CDC42BPG: variants seen among roughly 807,000 people sequenced by gnomAD.
CDC42BPG encodes CDC42 binding protein kinase gamma.
A neutral mutation model predicts 192.2 loss-of-function variants in CDC42BPG; 157 were observed. That is an observed-to-expected ratio of 0.82 (90% CI 0.72 to 0.93). The LOEUF (loss-of-function observed/expected upper bound fraction) is 0.93, where lower values mean the gene tolerates loss of function less well. Ranked by LOEUF, CDC42BPG falls within the 40% of genes least tolerant of loss-of-function variation. The pLI is 0.00. For missense variants in CDC42BPG, 1,992 were observed against 2,122.1 expected, an observed-to-expected ratio of 0.94 and a Z score of 1.20; for synonymous variants, 981 against 918.5, an observed-to-expected ratio of 1.07 and a Z score of -1.23.
intron 30 of CDC42BPG, 131 bp downstream of exon 30, chr11:64,829,337 GTGT>G (rs1942574361): frequency 3.6e-6 from 4 of 1,121,364 alleles, no homozygotes; most frequent in South Asian, 3.1e-5. Context: ...GTGGGACAGG[GTGT>G]TGTTGGGCTG....
At chr11:64,839,267 C>T (rs2136380082) in intron 6 of CDC42BPG, 34 bp from the exon 7 acceptor site, 2 of 1,611,742 alleles carry the variant, frequency 1.2e-6, no homozygotes, top group South Asian at 2.2e-5. Flanking sequence ...ATGAGGACAG[C>T]TTTGGGCTTG....
chr11:64,826,871 G>T, intron 34 of CDC42BPG, 77 bp from the exon 35 acceptor site: 1 of 1,421,638 alleles, frequency 7.0e-7, no homozygotes, highest in Non-Finnish European at 9.3e-7. Context: ...AACAGACCAG[G>T]ACAAATGAAC....
intron 27 of CDC42BPG, 32 bp downstream of exon 27, chr11:64,832,396 G>A (rs748497829): frequency 8.1e-6 from 13 of 1,600,246 alleles, no homozygotes; most frequent in Non-Finnish European, 1.1e-5. Context: ...GGAGGTGGAT[G>A]GTGGCTGCTC....
intron 27 of CDC42BPG, 95 bp from the exon 28 acceptor site, chr11:64,831,816 A>C (rs1942707569): frequency 8.9e-7 from 1 of 1,123,242 alleles, no homozygotes; most frequent in South Asian, 1.5e-5. Context: ...CCGGGGGCCT[A>C]GCGTGCACTG....
At position 64,835,590 on chromosome 11, in the gene CDC42BPG, A is replaced by G. The variant is rs751376595; in HGVS notation, c.1790T>C (p.Met597Thr). 45 of 1,578,046 alleles carry G rather than the reference A, an allele frequency of 2.9e-5. No individual in the cohort carries two copies. The highest frequency in any genetic ancestry group is 3.7e-5 in the Non-Finnish European group (43 of 1,165,238). Residue 597 changes from methionine (M) to threonine (T), a missense_variant, in exon 15 of 37, where the codon ATG (methionine) becomes ACG (threonine). Physicochemically the swap from Met to Thr is moderately conservative, Grantham distance 81 (BLOSUM62 -1). Transcript: ENST00000342711. ...CTGAGGCCCACCCTCAGGGGGTCCC[A>G]TCCCGTTGGTCTCAGAGGCTGTGTG... ...TIHTASETNG[M>T]GPPEGGPQEA... is the part of the protein sequence containing the mutation.
At chr11:64,838,375 T>C (rs1943119584) in intron 8 of CDC42BPG, among the ~76,000 whole-genome samples, 1 of 152,218 alleles carries the variant, frequency 6.6e-6, no homozygotes, top group Non-Finnish European at 1.5e-5. Flanking sequence ...GTTAATAGAA[T>C]GATACCTGTG....
rs201095631 is a variant in CDC42BPG, at chr11:64,824,424, C to G, written c.*49G>C. On this transcript the variant is annotated 3_prime_UTR_variant, in exon 37 of 37. Coordinates refer to ENST00000342711, the MANE Select transcript of CDC42BPG (RefSeq NM_017525.3). ...TATGGCATTCCTCAAGCTCTTTGCT[C>G]CCTCATGTCCTTCTGCCCTGGGATT... The G allele has an allele frequency of 2.4e-6, 3 of 1,255,860 alleles. No homozygotes were observed. In the African/African-American group the frequency reaches 4.4e-5, roughly 18 times the overall value. 77.8% of individuals were successfully genotyped at this position (1,255,860 alleles called of 1,614,324 possible). A position where few individuals can be genotyped will look rare whatever the true frequency, so the allele number is the denominator to read the frequency against.
chr11:64,832,993 G>A (rs1413833087), intron 24 of CDC42BPG, 34 bp from the exon 25 acceptor site: 1 of 1,499,854 alleles, frequency 6.7e-7, no homozygotes, highest in Non-Finnish European at 8.9e-7. Flanking sequence ...GATGAGGTGA[G>A]GCTGGGAGGG....
Position 64,824,464 on chromosome 11 carries a change from C to T in CDC42BPG, c.*9G>A. On this transcript the variant is annotated 3_prime_UTR_variant, in exon 37 of 37. Coordinates refer to ENST00000342711, the MANE Select transcript of CDC42BPG (RefSeq NM_017525.3). Reference sequence around the variant, plus strand: ...GCCCTGGGATTGGGGTGGGCCCTAACAGAGGGCATCAAGGAGAGCTCTCCA... The same window carrying T: ...GCCCTGGGATTGGGGTGGGCCCTAATAGAGGGCATCAAGGAGAGCTCTCCA... The T allele has an allele frequency of 1.3e-6, 2 of 1,571,186 alleles. No individual in the cohort carries two copies. The highest frequency in any genetic ancestry group is 2.2e-5 in the East Asian group (1 of 44,782).
At position 64,834,843 on chromosome 11, in the gene CDC42BPG, G is replaced by A. The variant is rs1233256424; in HGVS notation, c.2175+6C>T. 6.2e-7 allele frequency: 1 copy of A among 1,611,166 alleles called. No individual in the cohort carries two copies. The highest frequency in any genetic ancestry group is 8.5e-7 in the Non-Finnish European group (1 of 1,178,630). On this transcript the variant is annotated splice_donor_region_variant and intron_variant, in intron 18 of 36. Coordinates refer to ENST00000342711, the MANE Select transcript of CDC42BPG (RefSeq NM_017525.3). ...GCCAGCCCCCAGGGGCATCTCTGGG[G>A]CTCACCAGTGGCCGGGCAGGGAGCG...
rs764061134 is a variant in CDC42BPG, at chr11:64,829,711, C to T, written c.3727G>A (p.Ala1243Thr). Residue 1243 changes from alanine (A) to threonine (T), a missense_variant, in exon 30 of 37, where the codon GCC becomes ACC. This residue lies in a region of CDC42BPG where 1,656 missense variants were observed against 1,844.3 expected (regional missense o/e 0.90). Transcript: ENST00000342711. ...LLGDRLCVGA[A>T]GGFALYPLLN... ...AGCGGGTAGAGTGCAAAGCCACCGG[C>T]GGCGCCCACACATAGCCGGTCGCCC... is the stretch of plus-strand genomic sequence containing the variant. 28 of 1,610,264 alleles carry T rather than the reference C, an allele frequency of 1.7e-5. No homozygotes were observed. The highest frequency in any genetic ancestry group is 2.1e-5 in the Non-Finnish European group (25 of 1,179,028).
chr11:64,839,525 G>C lies in CDC42BPG; in HGVS notation c.628C>G (p.Arg210Gly), dbSNP rs368096382. 9 of 1,613,096 alleles carry C rather than the reference G, an allele frequency of 5.6e-6. No homozygotes were observed. The South Asian group carries it at 7.7e-5, about 14-fold the overall frequency. ...NVLLDVNGHI[R>G]LADFGSCLRL... ...AGGCAGGAGCCGAAGTCAGCCAGGC[G>C]AATGTGCCCGTTCACATCCAGCAGG... The change falls in exon 6 of 37, where the codon CGC (arginine) becomes GGC (glycine). Residue 210 changes from arginine (R) to glycine (G), a missense_variant. Arg to Gly is a moderately radical substitution (Grantham distance 125). This residue lies in a region of CDC42BPG where 1,656 missense variants were observed against 1,844.3 expected (regional missense o/e 0.90). Transcript: ENST00000342711.
Position 64,844,419 on chromosome 11 carries a change from G to A in CDC42BPG, c.151C>T (p.Leu51=), listed in dbSNP as rs763405264. Residue 51 remains leucine (L), a synonymous_variant, in exon 1 of 37, where the codon CTG becomes TTG. Transcript: ENST00000342711. ...LRRERSVAQF[L]SWASPFVSKV... is the part of the protein sequence containing the mutation. ...CCGCCCCGCCACTCACCCCAGCTCAGGAACTGCGCCACGCTGCGCTCCCGC... is the reference window on the plus strand; with the variant it reads ...CCGCCCCGCCACTCACCCCAGCTCAAGAACTGCGCCACGCTGCGCTCCCGC... The A allele has an allele frequency of 2.7e-6, 4 of 1,465,978 alleles. No individual in the cohort carries two copies. Among genetic ancestry groups the A allele is most frequent in the Admixed American group, 4.8e-5 (2 of 41,812 alleles). 90.8% of individuals were successfully genotyped at this position (1,465,978 alleles called of 1,614,324 possible).
rs574468028 is a variant in CDC42BPG at position 64,823,118 on chromosome 11, A to G, written c.*1355T>C. ...TTTTTTTTTTTTGAGACGGAGTCTC[A>G]CTCTGTCACCCAGGCTGGAGTGCAG... On this transcript the variant is annotated 3_prime_UTR_variant, in exon 37 of 37. Coordinates refer to ENST00000342711, the MANE Select transcript of CDC42BPG (RefSeq NM_017525.3). Among the ~76,000 whole-genome samples, 62 of 136,444 alleles carry G rather than the reference A, an allele frequency of 4.5e-4. No individual in the cohort carries two copies. Among genetic ancestry groups the G allele is most frequent in the Admixed American group, 1.4e-3 (18 of 13,038 alleles). 89.5% of individuals were successfully genotyped at this position (136,444 alleles called of 152,430 possible). A position where few individuals can be genotyped will look rare whatever the true frequency, so the allele number is the denominator to read the frequency against.
intron 28 of CDC42BPG, chr11:64,830,521 GACA>G (rs1942635686): frequency 1.8e-6 from 1 of 565,086 alleles, no homozygotes; most frequent in Non-Finnish European, 3.2e-6. Flanking sequence ...GTAAACTGGG[GACA>G]ACGATGGTAC....
intron 13 of CDC42BPG, 37 bp downstream of exon 13, chr11:64,836,080 G>A: frequency 2.6e-6 from 4 of 1,551,446 alleles, no homozygotes; most frequent in Non-Finnish European, 3.5e-6. Flanking sequence ...CTGGGGGCAG[G>A]GCCCAGGTGC....
At position 64,824,015 on chromosome 11, in the gene CDC42BPG, G is replaced by GT. The variant is rs1202704191; in HGVS notation, c.*457dup. On this transcript the variant is annotated 3_prime_UTR_variant, in exon 37 of 37. Transcript: ENST00000342711. ...CTTCCCTTCTTCTGGATCACAGCCT[G>GT]TTTTTCTCACCCAGACGCTAAGCAG... is the stretch of plus-strand genomic sequence containing the variant. 1.1e-5 allele frequency: 2 copies of GT among 183,644 alleles called. No homozygotes were observed. The highest frequency in any genetic ancestry group is 4.8e-5 in the African/African-American group (2 of 41,384). The allele number at this position is 183,644 out of a possible 1,614,324, so 11.4% of individuals were successfully genotyped here. A position where few individuals can be genotyped will look rare whatever the true frequency, so the allele number is the denominator to read the frequency against.
At position 64,835,638 on chromosome 11, in the gene CDC42BPG, G is replaced by C; in HGVS notation, c.1759-17C>G. 6.4e-7 allele frequency: 1 copy of C among 1,569,446 alleles called. No individual in the cohort carries two copies. Among genetic ancestry groups the C allele is most frequent in the African/African-American group, 1.3e-5 (1 of 74,288 alleles). On this transcript the variant is annotated splice_polypyrimidine_tract_variant and intron_variant, in intron 14 of 36. Transcript: ENST00000342711. ...GTGGATGGTCTTGGGGACATGGAGG[G>C]GGTCAGGGCAGAGACCCAAGATGCC...
intron 30 of CDC42BPG, among the ~76,000 whole-genome samples, chr11:64,828,636 C>T (rs1023894394): frequency 7.2e-5 from 11 of 152,198 alleles, no homozygotes; most frequent in Non-Finnish European, 7.3e-5. Flanking sequence ...AGGTACAGGC[C>T]GGGGCCGGTG....
Sources: gnomAD v4.1 joint callset for allele counts (sites outside exome capture counted in the v4.1 genomes callset) on GRCh38, gnomAD v4.1.1 for gene constraint, gnomAD v4.1.1 regional missense constraint, MANE v1.5 for transcripts, NCBI Gene and HGNC (gene_info 2026-07-23, HGNC 2026-07-21) for gene names.